MEF2C: variants seen among roughly 807,000 people sequenced by gnomAD.
MEF2C encodes the protein myocyte-specific enhancer factor 2C.
MEF2C carries 6 observed loss-of-function variants against 50.5 expected under a neutral mutation model. That is an observed-to-expected ratio of 0.12 (90% CI 0.07 to 0.23). The LOEUF (loss-of-function observed/expected upper bound fraction) is 0.23. Ranked by LOEUF, MEF2C falls within the 10% of genes least tolerant of loss-of-function variation. The probability of loss-of-function intolerance (pLI) is 1.00; values close to 1 mark genes in which losing one functional copy is unlikely to be tolerated. For missense variants in MEF2C, 276 were observed against 605.0 expected (o/e 0.46, Z 5.70); for synonymous variants, 183 against 228.0 (o/e 0.80, Z 1.78).
At chr5:88,731,528 A>AT (rs1445211832) in intron 7 of MEF2C, 32 of 521,868 alleles carry the variant, frequency 6.1e-5, no homozygotes, top group African/African-American at 1.7e-4. Flanking sequence ...ATATATATAT[A>AT]TATTTTTTTT....
chr5:88,865,016 C>A (rs1036219333), intron 1 of MEF2C, among the ~76,000 whole-genome samples: 1 of 152,012 alleles, frequency 6.6e-6, no homozygotes, highest in African/African-American at 2.4e-5. Context: ...GATCCACCTG[C>A]CTCCGAAAGT....
At chr5:88,862,329 G>C (rs7730255) in intron 1 of MEF2C, among the ~76,000 whole-genome samples, 58,244 of 151,782 alleles carry the variant, frequency 0.38, 12,362 homozygotes, top group East Asian at 0.48. Flanking sequence ...CACACACACA[G>C]AGATACATGT....
chr5:88,823,965 C>T (rs902477326), intron 1 of MEF2C, 35 bp from the exon 2 acceptor site: 3 of 1,402,612 alleles, frequency 2.1e-6, no homozygotes, highest in Admixed American at 2.7e-5. Flanking sequence ...ACCACTCTAA[C>T]AGCAAGTCAG....
intron 5 of MEF2C, 46 bp downstream of exon 5, chr5:88,751,811 G>T (rs1367614202): frequency 6.3e-7 from 1 of 1,583,254 alleles, no homozygotes; most frequent in Non-Finnish European, 8.6e-7. Context: ...GCCGAAAATG[G>T]TTCCTTCCAA....
intron 1 of MEF2C, among the ~76,000 whole-genome samples, chr5:88,859,073 T>C (rs1004938769): frequency 2.6e-5 from 4 of 152,270 alleles, no homozygotes; most frequent in Non-Finnish European, 5.9e-5. Flanking sequence ...TTGAACTATA[T>C]AATTGTTATT....
chr5:88,731,595 G>C lies in MEF2C; in HGVS notation c.810+134C>G, dbSNP rs1761668537. Reference sequence around the variant, plus strand: ...AGAAATAATAGCTAAATACAAGCAAGGCTCTGTCAATGGCACTGTTATGTT... The same window carrying C: ...AGAAATAATAGCTAAATACAAGCAACGCTCTGTCAATGGCACTGTTATGTT... On this transcript the variant is annotated intron_variant, in intron 7 of 10. Coordinates refer to ENST00000504921, the MANE Select transcript of MEF2C (RefSeq NM_002397.5). The C allele has an allele frequency of 5.1e-6, 4 of 791,524 alleles. No homozygotes were observed. The Admixed American group carries it at 8.6e-5, about 17-fold the overall frequency. 49.0% of individuals were successfully genotyped at this position (791,524 alleles called of 1,614,324 possible). A position where few individuals can be genotyped will look rare whatever the true frequency, so the allele number is the denominator to read the frequency against.
intron 1 of MEF2C, among the ~76,000 whole-genome samples, chr5:88,896,614 TTAAA>T (rs1049665314): frequency 1.3e-5 from 2 of 152,166 alleles, no homozygotes; most frequent in African/African-American, 4.8e-5. Context: ...TCTTAAATCT[TTAAA>T]TAAAGAGTAT....
intron 3 of MEF2C, among the ~76,000 whole-genome samples, chr5:88,787,582 T>C (rs1263165485): frequency 2.0e-5 from 3 of 152,272 alleles, no homozygotes; most frequent in Non-Finnish European, 4.4e-5. Flanking sequence ...TTTAAAGTCC[T>C]ATATCCTAGA....
intron 4 of MEF2C, among the ~76,000 whole-genome samples, chr5:88,757,706 A>C (rs1378459842): frequency 6.6e-6 from 1 of 152,202 alleles, no homozygotes; most frequent in Non-Finnish European, 1.5e-5. Flanking sequence ...ACTTGAGGTC[A>C]GGAGTTCCAG....
intron 3 of MEF2C, among the ~76,000 whole-genome samples, chr5:88,768,418 G>A (rs1322261723): frequency 6.6e-6 from 1 of 152,156 alleles, no homozygotes; most frequent in Non-Finnish European, 1.5e-5. Context: ...CAGACCCCTT[G>A]ATACATATTT....
In MEF2C at chr5:88,742,954, C is replaced by T; in HGVS notation, c.637+6116G>A. On this transcript the variant is annotated intron_variant, in intron 6 of 10. Transcript: ENST00000504921. Reference sequence around the variant, plus strand: ...TAAAAATATCATTGTTACTTAATTTCATAAATAATAATAATAAAGCAATGC... The same window carrying T: ...TAAAAATATCATTGTTACTTAATTTTATAAATAATAATAATAAAGCAATGC... 4.1e-6 allele frequency: 4 copies of T among 972,842 alleles called. No homozygotes were observed. In the South Asian group the frequency reaches 1.4e-4, roughly 35 times the overall value. The allele number at this position is 972,842 out of a possible 1,614,324, so 60.3% of individuals were successfully genotyped here.
intron 5 of MEF2C, among the ~76,000 whole-genome samples, chr5:88,749,825 T>C (rs988230393): frequency 6.6e-6 from 1 of 152,174 alleles, no homozygotes; most frequent in African/African-American, 2.4e-5. Context: ...GGTCAGGAGA[T>C]AGAGACCATC....
At chr5:88,872,877 T>C (rs892770247) in intron 1 of MEF2C, among the ~76,000 whole-genome samples, 11 of 152,040 alleles carry the variant, frequency 7.2e-5, no homozygotes, top group African/African-American at 2.7e-4. Context: ...TTTATGGACA[T>C]GTTTGTCTAA....
intron 2 of MEF2C, among the ~76,000 whole-genome samples, chr5:88,805,814 G>A (rs189366284): frequency 5.5e-4 from 79 of 143,828 alleles, no homozygotes; most frequent in African/African-American, 1.8e-3. Context: ...CTGAAAAGGC[G>A]TGAACATTCT....
intron 1 of MEF2C, among the ~76,000 whole-genome samples, chr5:88,864,582 AAT>A (rs753555423): frequency 4.6e-5 from 7 of 151,204 alleles, no homozygotes; most frequent in Non-Finnish European, 8.8e-5. Context: ...TAAATACACA[AAT>A]TATATATATG....
At chr5:88,818,050 C>T (rs1581168087) in intron 2 of MEF2C, among the ~76,000 whole-genome samples, 1 of 151,958 alleles carries the variant, frequency 6.6e-6, no homozygotes, top group South Asian at 2.1e-4. Flanking sequence ...AGGATGACTA[C>T]AGTTAATATA....
Position 88,723,179 on chromosome 5 carries a change from G to A in MEF2C, c.1101-254C>T, listed in dbSNP as rs144445046. On this transcript the variant is annotated intron_variant, in intron 10 of 10. Transcript: ENST00000504921. ...TGAATTATATCTCTAGTCTCCGAGA[G>A]GCTCCCTAAACATATAGGTTACCAT... 4.2e-3 allele frequency among the ~76,000 whole-genome samples: 632 copies of A among 152,254 alleles called. 2 individuals carry two copies. Among genetic ancestry groups the A allele is most frequent in the African/African-American group, 0.014 (600 of 41,544 alleles).
At chr5:88,793,850 T>C (rs1417490657) in intron 3 of MEF2C, among the ~76,000 whole-genome samples, 2 of 151,808 alleles carry the variant, frequency 1.3e-5, no homozygotes, top group Non-Finnish European at 2.9e-5. Context: ...TGAGTCCATG[T>C]GTTCTCATTG....
At chr5:88,793,347 T>A (rs1195275121) in intron 3 of MEF2C, among the ~76,000 whole-genome samples, 2 of 152,060 alleles carry the variant, frequency 1.3e-5, no homozygotes, top group African/African-American at 4.8e-5. Flanking sequence ...AAGGGCAGGT[T>A]AATGGCAGGG....
Sources: gnomAD v4.1 joint callset for allele counts (sites outside exome capture counted in the v4.1 genomes callset) on GRCh38, gnomAD v4.1.1 for gene constraint, MANE v1.5 for transcripts, NCBI Gene and HGNC (gene_info 2026-07-23, HGNC 2026-07-21) for gene names.